The following ENTREP2 variants were observed in gnomAD, a reference collection of about 807,000 sequenced individuals.
ENTREP2 encodes the protein endosomal transmembrane epsin interactor 2.
At chr15:29,655,587 G>A in the ENTREP2 span, among the ~76,000 whole-genome samples, 1 of 152,122 alleles carries the variant, frequency 6.6e-6, no homozygotes, top group South Asian at 2.1e-4. Flanking sequence ...GGAACTGTCA[G>A]ACAGGAAATT....
chr15:29,653,663 C>G, the ENTREP2 span, among the ~76,000 whole-genome samples: 47 of 152,318 alleles, frequency 3.1e-4, no homozygotes, highest in African/African-American at 9.4e-4. Flanking sequence ...CTGTAAGTTT[C>G]CTGAGGCCTC....
chr15:29,289,187 AC>A, the ENTREP2 span, among the ~76,000 whole-genome samples: 2 of 151,496 alleles, frequency 1.3e-5, no homozygotes, highest in African/African-American at 4.9e-5. Context: ...AGCCTGGGTG[AC>A]AGAGGGAGAC....
chr15:29,269,375 T>C, the ENTREP2 span: 6 of 1,614,072 alleles, frequency 3.7e-6, no homozygotes, highest in Admixed American at 6.7e-5. Context: ...TGCTTCAGTA[T>C]GTCGGCCCGC....
At chr15:29,552,395 C>A in the ENTREP2 span, among the ~76,000 whole-genome samples, 1 of 151,812 alleles carries the variant, frequency 6.6e-6, no homozygotes, top group Admixed American at 6.6e-5. Context: ...GACTCTAAAC[C>A]GTCCAAAGCA....
the ENTREP2 span, among the ~76,000 whole-genome samples, chr15:29,308,980 C>T: frequency 6.6e-6 from 1 of 152,176 alleles, no homozygotes; most frequent in Non-Finnish European, 1.5e-5. Flanking sequence ...AGCTGCCTCT[C>T]TTTGTCCATC....
At chr15:29,615,819 T>C in the ENTREP2 span, among the ~76,000 whole-genome samples, 1 of 152,170 alleles carries the variant, frequency 6.6e-6, no homozygotes, top group Non-Finnish European at 1.5e-5. Flanking sequence ...TAAATGGGAA[T>C]TGGAAAAAAA....
At chr15:29,667,487 CTTTTTTTTTTT>C in the ENTREP2 span, among the ~76,000 whole-genome samples, 1 of 104,704 alleles carries the variant, frequency 9.6e-6, no homozygotes, top group Non-Finnish European at 1.8e-5. Context: ...TGCGCCTGGC[CTTTTTTTTTTT>C]TTTTTTTTTT....
the ENTREP2 span, among the ~76,000 whole-genome samples, chr15:29,179,747 A>AT: frequency 9.5e-3 from 1,416 of 149,086 alleles, 16 homozygotes; most frequent in South Asian, 0.017. Flanking sequence ...CGCCCGGCTA[A>AT]TTTTTTTTTT....
the ENTREP2 span, among the ~76,000 whole-genome samples, chr15:29,530,715 C>G: frequency 6.6e-6 from 1 of 152,232 alleles, no homozygotes; most frequent in African/African-American, 2.4e-5. Context: ...AGCACAGAAA[C>G]ATACATTATT....
the ENTREP2 span, among the ~76,000 whole-genome samples, chr15:29,476,760 G>A: frequency 1.3e-5 from 2 of 152,198 alleles, no homozygotes; most frequent in Admixed American, 6.5e-5. Flanking sequence ...ACCAAAGTGA[G>A]GGCGGAGAAA....
chr15:29,451,917 T>C, the ENTREP2 span, among the ~76,000 whole-genome samples: 4 of 152,276 alleles, frequency 2.6e-5, no homozygotes, highest in Non-Finnish European at 4.4e-5. Context: ...TTTATTGTAT[T>C]TTAATATCAG....
At chr15:29,444,974 A>C in the ENTREP2 span, among the ~76,000 whole-genome samples, 1 of 152,188 alleles carries the variant, frequency 6.6e-6, no homozygotes, top group South Asian at 2.1e-4. Flanking sequence ...CAAAGACTAA[A>C]AGAAACAGGG....
At chr15:29,189,972 T>C in the ENTREP2 span, among the ~76,000 whole-genome samples, 1 of 152,244 alleles carries the variant, frequency 6.6e-6, no homozygotes, top group Non-Finnish European at 1.5e-5. Flanking sequence ...AGGCAGATAC[T>C]GAAATCCTAA....
chr15:29,663,007 C>G, the ENTREP2 span, among the ~76,000 whole-genome samples: 13 of 152,040 alleles, frequency 8.6e-5, no homozygotes, highest in African/African-American at 3.1e-4. Flanking sequence ...GCCACCGCGC[C>G]TGGCCAGGAC....
At chr15:29,642,986 C>T in the ENTREP2 span, among the ~76,000 whole-genome samples, 1 of 152,152 alleles carries the variant, frequency 6.6e-6, no homozygotes, top group Non-Finnish European at 1.5e-5. Context: ...TGAACCCCTA[C>T]CTCATTCCAC....
chr15:29,598,663 T>C, the ENTREP2 span, among the ~76,000 whole-genome samples: 2 of 151,910 alleles, frequency 1.3e-5, no homozygotes, highest in Non-Finnish European at 2.9e-5. Flanking sequence ...ATTCATCCAT[T>C]GTTGAAGTGA....
the ENTREP2 span, among the ~76,000 whole-genome samples, chr15:29,581,710 G>T: frequency 1.3e-4 from 20 of 149,246 alleles, no homozygotes; most frequent in African/African-American, 3.2e-4. Context: ...CAGCAAGTTG[G>T]TTTTTTTTTT....
At chr15:29,643,120 T>C in the ENTREP2 span, among the ~76,000 whole-genome samples, 376 of 152,292 alleles carry the variant, frequency 2.5e-3, 1 homozygote, top group Middle Eastern at 3.4e-3. Context: ...AACATTTTCT[T>C]AGAGATGACA....
At chr15:29,266,671 T>C in the ENTREP2 span, 3 of 152,120 alleles carry the variant, frequency 2.0e-5, no homozygotes, top group South Asian at 2.1e-4. Flanking sequence ...ATATAAATCA[T>C]GAAAGCCCAC....
Sources: allele counts gnomAD v4.1 joint callset (sites outside exome capture counted in the v4.1 genomes callset), GRCh38; gene constraint gnomAD v4.1.1; transcripts MANE v1.5; gene names NCBI Gene and HGNC (gene_info 2026-07-23, HGNC 2026-07-21).